HRH1: variants seen among roughly 807,000 people sequenced by gnomAD.
HRH1 encodes the protein histamine receptor H1.
In HRH1, 6 loss-of-function variants were observed where a neutral mutation model predicts 10.3. The ratio of observed to expected loss-of-function variants is 0.58; its 90% confidence interval spans 0.32 to 1.15. HRH1 has a LOEUF of 1.15. Among genes scored for constraint, HRH1 ranks in the 50% most tolerant of loss-of-function variants. The pLI, the probability that HRH1 is intolerant of heterozygous loss-of-function variation, is 0.05. For missense variants in HRH1, 514 were observed against 615.3 expected, an observed-to-expected ratio of 0.84 and a Z score of 1.74; for synonymous variants, 242 against 236.7, an observed-to-expected ratio of 1.02 and a Z score of -0.21.
At chr3:11,234,633 G>A (rs1939128034) in intron 1 of HRH1, 1 of 1,392,712 alleles carries the variant, frequency 7.2e-7, no homozygotes, top group East Asian at 2.3e-5. Flanking sequence ...GGTCTTCTTT[G>A]GTTATAAATA....
Position 11,235,172 on chromosome 3 carries a change from A to G in HRH1, c.-35-23831A>G, listed in dbSNP as rs200754011. ...AGAGATTGCAGTGAGCCGAGATCAC[A>G]CCACTGCACTCCAGCCTGGGTGACA... On this transcript the variant is annotated intron_variant, in intron 1 of 1. Coordinates refer to ENST00000431010, the MANE Select transcript of HRH1 (RefSeq NM_001098212.2). Among the ~76,000 whole-genome samples the G allele has an allele frequency of 2.8e-4, 42 of 151,632 alleles. No homozygotes were observed. In the South Asian group the frequency reaches 8.7e-3, roughly 32 times the overall value.
At chr3:11,227,284 A>T (rs1938914134) in intron 1 of HRH1, among the ~76,000 whole-genome samples, 1 of 149,894 alleles carries the variant, frequency 6.7e-6, no homozygotes, top group Admixed American at 6.6e-5. Context: ...GGTGATTAAG[A>T]TCTTTTTTTT....
intron 1 of HRH1, among the ~76,000 whole-genome samples, chr3:11,198,825 C>T (rs1397140921): frequency 6.6e-6 from 1 of 151,738 alleles, no homozygotes; most frequent in Non-Finnish European, 1.5e-5. Flanking sequence ...AGAATGTACA[C>T]TGTGGTGAAA....
intron 1 of HRH1, among the ~76,000 whole-genome samples, chr3:11,232,308 A>G (rs1298949285): frequency 1.3e-5 from 2 of 152,138 alleles, no homozygotes; most frequent in Non-Finnish European, 2.9e-5. Flanking sequence ...TTTAAAAGAC[A>G]TATGGTTTAG....
intron 1 of HRH1, among the ~76,000 whole-genome samples, chr3:11,231,194 A>G (rs1365070519): frequency 6.6e-6 from 1 of 152,146 alleles, no homozygotes; most frequent in Non-Finnish European, 1.5e-5. Flanking sequence ...TCTTTTTACT[A>G]CTGTGTAGTA....
chr3:11,227,811 C>T (rs748924505), intron 1 of HRH1, among the ~76,000 whole-genome samples: 2 of 152,136 alleles, frequency 1.3e-5, no homozygotes, highest in African/African-American at 4.8e-5. Flanking sequence ...GAGGAAGCAG[C>T]CAGAAGTAAG....
intron 1 of HRH1, among the ~76,000 whole-genome samples, chr3:11,175,975 A>C (rs1937240495): frequency 6.6e-6 from 1 of 152,076 alleles, no homozygotes; most frequent in Non-Finnish European, 1.5e-5. Context: ...CCTGGGCAAC[A>C]TGGCAAAACC....
intron 1 of HRH1, among the ~76,000 whole-genome samples, chr3:11,188,932 C>T (rs1336556895): frequency 6.6e-6 from 1 of 152,196 alleles, no homozygotes; most frequent in Non-Finnish European, 1.5e-5. Context: ...TTCCTGAAGA[C>T]AGGAGTATCA....
rs1939993674 is a variant in HRH1, at chr3:11,262,892, T to C, written c.*2391T>C. The C allele has an allele frequency of 6.0e-6, 1 of 167,136 alleles. No homozygotes were observed. Among genetic ancestry groups the C allele is most frequent in the African/African-American group, 2.4e-5 (1 of 41,470 alleles). The allele number at this position is 167,136 out of a possible 1,614,324, so 10.4% of individuals were successfully genotyped here. On this transcript the variant is annotated 3_prime_UTR_variant, in exon 2 of 2. Coordinates refer to ENST00000431010, the MANE Select transcript of HRH1 (RefSeq NM_001098212.2). ...TATACAGAGGGCACTCCTATGCATT[T>C]TTAAAACATGCTGAGCACATACCAT...
intron 1 of HRH1, among the ~76,000 whole-genome samples, chr3:11,199,984 C>G (rs999653236): frequency 5.3e-5 from 8 of 152,166 alleles, no homozygotes; most frequent in Admixed American, 2.6e-4. Flanking sequence ...GTGATTTGTT[C>G]AGTAGTGGAC....
chr3:11,210,561 G>A (rs1938293645), intron 1 of HRH1, among the ~76,000 whole-genome samples: 1 of 152,150 alleles, frequency 6.6e-6, no homozygotes, highest in Non-Finnish European at 1.5e-5. Flanking sequence ...GGAGCCCAAG[G>A]CAGGCGGATC....
chr3:11,237,702 G>A (rs1446283606), intron 1 of HRH1, among the ~76,000 whole-genome samples: 1 of 107,216 alleles, frequency 9.3e-6, no homozygotes, highest in African/African-American at 3.8e-5. Context: ...TTGAGATGGA[G>A]TCTTGCTCTG....
intron 1 of HRH1, among the ~76,000 whole-genome samples, chr3:11,174,362 G>T (rs1284475629): frequency 3.3e-5 from 5 of 152,202 alleles, no homozygotes; most frequent in African/African-American, 1.2e-4. Flanking sequence ...GTCTTCTGAA[G>T]GTGGGAGAGG....
In HRH1 at chr3:11,263,229, C is replaced by G. The variant is rs762950246; in HGVS notation, c.*2728C>G. On this transcript the variant is annotated 3_prime_UTR_variant, in exon 2 of 2. Coordinates refer to ENST00000431010, the MANE Select transcript of HRH1 (RefSeq NM_001098212.2). ...GCCCCAGCCCATCAGTGGCTAATGGCTTTAATAAATTGGTCATTTGGCTAC... is the reference window on the plus strand; with the variant it reads ...GCCCCAGCCCATCAGTGGCTAATGGGTTTAATAAATTGGTCATTTGGCTAC... 2.4e-5 allele frequency: 4 copies of G among 167,138 alleles called. No individual in the cohort carries two copies. Among genetic ancestry groups the G allele is most frequent in the Non-Finnish European group, 5.9e-5 (4 of 68,134 alleles). 10.4% of individuals were successfully genotyped at this position (167,138 alleles called of 1,614,324 possible).
intron 1 of HRH1, among the ~76,000 whole-genome samples, chr3:11,221,359 C>G (rs1184862759): frequency 6.6e-6 from 1 of 151,946 alleles, no homozygotes; most frequent in Admixed American, 6.6e-5. Flanking sequence ...TTAAGACCAG[C>G]CTGGGCAACA....
At chr3:11,179,070 C>G (rs1391819825) in intron 1 of HRH1, among the ~76,000 whole-genome samples, 2 of 152,060 alleles carry the variant, frequency 1.3e-5, no homozygotes, top group Admixed American at 1.3e-4. Flanking sequence ...GACAGATCAC[C>G]TGAGGTCAGA....
intron 1 of HRH1, among the ~76,000 whole-genome samples, chr3:11,257,641 C>G (rs1261752737): frequency 6.6e-6 from 1 of 151,944 alleles, no homozygotes. Context: ...TGAGTATCAC[C>G]AATAACAGAG....
intron 1 of HRH1, among the ~76,000 whole-genome samples, chr3:11,216,007 T>A (rs1938479566): frequency 6.6e-6 from 1 of 152,190 alleles, no homozygotes; most frequent in Non-Finnish European, 1.5e-5. Flanking sequence ...ATGTTAGGGA[T>A]CTATGATTTA....
At chr3:11,200,295 G>T (rs1355657601) in intron 1 of HRH1, among the ~76,000 whole-genome samples, 2 of 152,192 alleles carry the variant, frequency 1.3e-5, no homozygotes, top group Non-Finnish European at 2.9e-5. Context: ...ATTAGAGGGA[G>T]TATACATTTC....
Sources: gnomAD v4.1 joint callset for allele counts (sites outside exome capture counted in the v4.1 genomes callset) on GRCh38, gnomAD v4.1.1 for gene constraint, MANE v1.5 for transcripts, NCBI Gene and HGNC (gene_info 2026-07-23, HGNC 2026-07-21) for gene names.